Variants in OXGR1 observed in about 807,000 individuals in gnomAD.
The protein encoded by OXGR1 is 2-oxoglutarate receptor 1.
In OXGR1, 10 loss-of-function variants were observed where a neutral mutation model predicts 10.0. The observed-to-expected ratio is 1.00, with a 90% CI of 0.62 to 1.70. The LOEUF is 1.70. Among genes scored for constraint, OXGR1 ranks in the 40% most tolerant of loss-of-function variants. OXGR1 has a pLI of 0.00. For synonymous variants in OXGR1, 191 were observed against 155.9 expected, an observed-to-expected ratio of 1.22 and a Z score of -1.68; for missense variants, 398 against 407.6, an observed-to-expected ratio of 0.98 and a Z score of 0.20.
In OXGR1 at chr13:96,987,525, C is replaced by A. The variant is rs777378525; in HGVS notation, c.235G>T (p.Asp79Tyr). The A allele has an allele frequency of 1.9e-6, 3 of 1,614,154 alleles. No homozygotes were observed. ...GGGAGGCTGGTCAGATACAGCAGAT[C>A]TGTGCAGGCCAGGTTCAGCATAATG... ...TIIMLNLACT[D>Y]LLYLTSLPFL... The change falls in exon 4 of 4, where the codon GAT (aspartate) becomes TAT (tyrosine). Residue 79 changes from aspartate to tyrosine, a missense_variant. Asp to Tyr is a radical substitution (Grantham distance 160, BLOSUM62 -3). Coordinates refer to ENST00000541038, the MANE Select transcript of OXGR1 (RefSeq NM_001346194.2).
At chr13:96,988,433 A>C (rs139289256) in intron 3 of OXGR1, among the ~76,000 whole-genome samples, 129 of 152,338 alleles carry the variant, frequency 8.5e-4, no homozygotes, top group African/African-American at 3.0e-3. Context: ...TAAATAACGG[A>C]GGGAACAAGT....
intron 1 of OXGR1, among the ~76,000 whole-genome samples, chr13:96,992,931 G>A (rs2138907774): frequency 6.6e-6 from 1 of 152,274 alleles, no homozygotes; most frequent in Non-Finnish European, 1.5e-5. Context: ...CTTCTCTCCA[G>A]AGTCCTTGGA....
intron 1 of OXGR1, among the ~76,000 whole-genome samples, chr13:96,993,292 G>T (rs9584461): frequency 0.11 from 17,377 of 152,088 alleles, 2,995 homozygotes; most frequent in African/African-American, 0.37. Flanking sequence ...TGATCTTGGC[G>T]CACTTCAACC....
Position 96,987,233 on chromosome 13 carries a change from T to C in OXGR1, c.527A>G (p.Asn176Ser). ...IPMTFLITST[N>S]RTNRSACLDL... ...GAGACAGGCTGATCTGTTGGTCCTGTTGGTTGATGTGATCAAGAAGGTCAT... is the reference window on the plus strand; with the variant it reads ...GAGACAGGCTGATCTGTTGGTCCTGCTGGTTGATGTGATCAAGAAGGTCAT... The change falls in exon 4 of 4, where the codon AAC (asparagine) becomes AGC (serine). Residue 176 changes from asparagine to serine, a missense_variant. Transcript: ENST00000541038. 3 of 1,614,142 alleles carry C rather than the reference T, an allele frequency of 1.9e-6. No homozygotes were observed. Among genetic ancestry groups the C allele is most frequent in the Non-Finnish European group, 2.5e-6 (3 of 1,180,032 alleles).
rs1469037830 is a variant in OXGR1 at position 96,994,360 on chromosome 13, C to T, written c.-340G>A. On this transcript the variant is annotated 5_prime_UTR_variant, in exon 1 of 4. Coordinates refer to ENST00000541038, the MANE Select transcript of OXGR1 (RefSeq NM_001346194.2). The stretch of plus-strand genomic sequence containing the variant: ...CCTGTGCAGCCTAGTTGGTCCCGGA[C>T]CGCAGACCTGTCCCGGGGAGGCTGC... 1 of 152,214 alleles carries T rather than the reference C, an allele frequency of 6.6e-6. No individual in the cohort carries two copies. The highest frequency in any genetic ancestry group is 1.5e-5 in the Non-Finnish European group (1 of 68,070). The allele number at this position is 152,214 out of a possible 1,614,324, so 9.4% of individuals were successfully genotyped here.
Position 96,986,905 on chromosome 13 carries a change from G to A in OXGR1, c.855C>T (p.Ile285=), listed in dbSNP as rs1240445214. The A allele has an allele frequency of 1.9e-6, 3 of 1,614,176 alleles. No homozygotes were observed. The South Asian group carries it at 3.3e-5, about 18-fold the overall frequency. The change falls in exon 4 of 4, where the codon ATC becomes ATT. Residue 285 remains isoleucine, a synonymous_variant. Coordinates refer to ENST00000541038, the MANE Select transcript of OXGR1 (RefSeq NM_001346194.2). ...TCAGAGCAGCTAATGGTCTAGAAAC[G>A]ATGTAAGCTTCATGGATCTGATTCT... is the stretch of plus-strand genomic sequence containing the variant. The part of the protein sequence containing the change: ...SIENQIHEAY[I]VSRPLAALNT...
intron 3 of OXGR1, among the ~76,000 whole-genome samples, chr13:96,988,655 G>A (rs1403876824): frequency 6.6e-6 from 1 of 152,170 alleles, no homozygotes; most frequent in African/African-American, 2.4e-5. Context: ...GCTGAGCCCT[G>A]AAGCCAGATG....
chr13:96,991,377 A>G (rs572423301), intron 2 of OXGR1, among the ~76,000 whole-genome samples: 1 of 152,340 alleles, frequency 6.6e-6, no homozygotes, highest in Non-Finnish European at 1.5e-5. Context: ...GATGGTCCAC[A>G]AACAAATCAT....
At chr13:96,991,672 G>A (rs189323194) in intron 2 of OXGR1, among the ~76,000 whole-genome samples, 16 of 152,320 alleles carry the variant, frequency 1.1e-4, no homozygotes, top group Admixed American at 9.8e-4. Context: ...ACAGTTTGGA[G>A]GTTCCTCAGC....
chr13:96,990,566 G>A (rs2138900237), intron 2 of OXGR1, among the ~76,000 whole-genome samples: 1 of 152,224 alleles, frequency 6.6e-6, no homozygotes, highest in Middle Eastern at 3.4e-3. Context: ...TTTGCTGAAT[G>A]CATTAAAGAA....
At position 96,987,702 on chromosome 13, in the gene OXGR1, C is replaced by T; in HGVS notation, c.58G>A (p.Ala20Thr). The T allele has an allele frequency of 6.2e-7, 1 of 1,612,416 alleles. No homozygotes were observed. The highest frequency in any genetic ancestry group is 8.5e-7 in the Non-Finnish European group (1 of 1,178,994). ...TTTTCATCAGTGCAATTTCCAAAAGCAGCTGCATAATCGGGGAAATCAGAA... is the reference window on the plus strand; with the variant it reads ...TTTTCATCAGTGCAATTTCCAAAAGTAGCTGCATAATCGGGGAAATCAGAA... Reference protein sequence around the residue: ...NASDFPDYAAAFGNCTDENIP... With the variant: ...NASDFPDYAATFGNCTDENIP... Residue 20 changes from alanine to threonine, a missense_variant, in exon 4 of 4, where the codon GCT becomes ACT. Physicochemically the swap from Ala to Thr is moderately conservative, Grantham distance 58. Coordinates refer to ENST00000541038, the MANE Select transcript of OXGR1 (RefSeq NM_001346194.2).
At chr13:96,989,322 A>G (rs1378700577) in intron 3 of OXGR1, among the ~76,000 whole-genome samples, 1 of 152,212 alleles carries the variant, frequency 6.6e-6, no homozygotes, top group Non-Finnish European at 1.5e-5. Context: ...ATCCTAAATT[A>G]GCAGAATCAG....
Position 96,987,070 on chromosome 13 carries a change from T to C in OXGR1, c.690A>G (p.Gln230=), listed in dbSNP as rs1881787376. ...TIIHTLTHGL[Q]TDSCLKQKAR... ...CTTTCTGCTTAAGGCAGCTGTCAGTTTGCAGTCCATGGGTCAGAGTGTGGA... is the reference window on the plus strand; with the variant it reads ...CTTTCTGCTTAAGGCAGCTGTCAGTCTGCAGTCCATGGGTCAGAGTGTGGA... Residue 230 remains glutamine, a synonymous_variant, in exon 4 of 4, where the codon CAA becomes CAG. Transcript: ENST00000541038. 2 of 1,614,214 alleles carry C rather than the reference T, an allele frequency of 1.2e-6. No individual in the cohort carries two copies. The highest frequency in any genetic ancestry group is 8.5e-7 in the Non-Finnish European group (1 of 1,180,032).
rs1169930409 is a variant in OXGR1 at position 96,987,546 on chromosome 13, T to C, written c.214A>G (p.Met72Val). The C allele has an allele frequency of 1.9e-6, 3 of 1,614,156 alleles. No homozygotes were observed. The highest frequency in any genetic ancestry group is 1.1e-5 in the South Asian group (1 of 91,078). Residue 72 changes from methionine (M) to valine (V), a missense_variant, in exon 4 of 4, where the codon ATG becomes GTG. Physicochemically the swap from Met to Val is conservative, Grantham distance 21. Transcript: ENST00000541038. The stretch of plus-strand genomic sequence containing the variant: ...AGATCTGTGCAGGCCAGGTTCAGCA[T>C]AATGATGGTGCTGCTCTTCCAAGGT... ...MRPWKSSTII[M>V]LNLACTDLLY...
rs372950603 is a variant in OXGR1, at chr13:96,987,005, A to T, written c.755T>A (p.Val252Glu). Residue 252 changes from valine to glutamate, a missense_variant, in exon 4 of 4, where the codon GTA becomes GAA. Transcript: ENST00000541038. Reference sequence around the variant, plus strand: ...CAAGATATGGAAGGGTAAAAAACATACGTAAAATGCAAGGAGTAGCAGAAT... The same window carrying T: ...CAAGATATGGAAGGGTAAAAAACATTCGTAAAATGCAAGGAGTAGCAGAAT... Reference protein sequence around the residue: ...LTILLLLAFYVCFLPFHILRV... With the variant: ...LTILLLLAFYECFLPFHILRV... 1 of 1,614,240 alleles carries T rather than the reference A, an allele frequency of 6.2e-7. No individual in the cohort carries two copies. Among genetic ancestry groups the T allele is most frequent in the South Asian group, 1.1e-5 (1 of 91,088 alleles).
At chr13:96,994,612 G>A (rs1365277862), upstream of OXGR1, 1 of 152,290 alleles carries the variant, frequency 6.6e-6, no homozygotes, top group Admixed American at 6.5e-5. Context: ...CCAGCCCGGC[G>A]GGAGGGTTGT....
chr13:96,987,086 A>G lies in OXGR1; in HGVS notation c.674T>C (p.Leu225Pro). The G allele has an allele frequency of 6.2e-7, 1 of 1,614,234 alleles. No individual in the cohort carries two copies. Among genetic ancestry groups the G allele is most frequent in the East Asian group, 2.2e-5 (1 of 44,892 alleles). The stretch of plus-strand genomic sequence containing the variant: ...GCTGTCAGTTTGCAGTCCATGGGTC[A>G]GAGTGTGGATAATCGTGGTATAGCA... ...TLCYTTIIHT[L>P]THGLQTDSCL... is the part of the protein sequence containing the mutation. Residue 225 changes from leucine (L) to proline (P), a missense_variant, in exon 4 of 4, where the codon CTG becomes CCG. Coordinates refer to ENST00000541038, the MANE Select transcript of OXGR1 (RefSeq NM_001346194.2).
chr13:96,986,728 T>A lies in OXGR1; in HGVS notation c.*18A>T. 1 of 1,578,064 alleles carries A rather than the reference T, an allele frequency of 6.3e-7. No homozygotes were observed. The highest frequency in any genetic ancestry group is 8.6e-7 in the Non-Finnish European group (1 of 1,165,414). On this transcript the variant is annotated 3_prime_UTR_variant, in exon 4 of 4. Coordinates refer to ENST00000541038, the MANE Select transcript of OXGR1 (RefSeq NM_001346194.2). The stretch of plus-strand genomic sequence containing the variant: ...AGTATCAGCAAGTATTTGTTTTTGG[T>A]TAAGTAAATGAAATATTTCAAGGGT...
At chr13:96,990,654 G>T (rs1882001820) in intron 2 of OXGR1, among the ~76,000 whole-genome samples, 1 of 152,068 alleles carries the variant, frequency 6.6e-6, no homozygotes, top group Non-Finnish European at 1.5e-5. Flanking sequence ...AAAAAAGCTT[G>T]GTTCTTAGGC....
Sources: gnomAD v4.1 joint callset for allele counts (sites outside exome capture counted in the v4.1 genomes callset) on GRCh38, gnomAD v4.1.1 for gene constraint, MANE v1.5 for transcripts, NCBI Gene and HGNC (gene_info 2026-07-23, HGNC 2026-07-21) for gene names.